The following ZNF169 variants were observed in gnomAD, a reference collection of about 807,000 sequenced individuals.
ZNF169 encodes the protein zinc finger protein 169.
In ZNF169, 11 loss-of-function variants were observed where a neutral mutation model predicts 12.0. That is an observed-to-expected ratio of 0.92 (90% CI 0.58 to 1.52). The LOEUF (loss-of-function observed/expected upper bound fraction) is 1.52, where lower values mean the gene tolerates loss of function less well. Ranked by LOEUF, ZNF169 falls within the 40% of genes most tolerant of loss-of-function variation. ZNF169 has a pLI of 0.00. For missense variants in ZNF169, 722 were observed against 744.0 expected, an observed-to-expected ratio of 0.97 and a Z score of 0.34; for synonymous variants, 302 against 286.5, an observed-to-expected ratio of 1.05 and a Z score of -0.55.
intron 2 of ZNF169, chr9:94,287,978 G>T: frequency 1.2e-6 from 1 of 805,910 alleles, no homozygotes; most frequent in Non-Finnish European, 2.2e-6. Context: ...AAATGGAGCT[G>T]CCAAACTCTG....
intron 1 of ZNF169, among the ~76,000 whole-genome samples, chr9:94,259,909 TTTA>T (rs1554712471): frequency 1.3e-5 from 2 of 152,186 alleles, no homozygotes; most frequent in African/African-American, 2.4e-5. Flanking sequence ...TATTTATTTA[TTTA>T]TTTTTGAAAC....
intron 1 of ZNF169, among the ~76,000 whole-genome samples, chr9:94,271,920 G>T (rs999620698): frequency 9.8e-6 from 1 of 102,190 alleles, no homozygotes. Flanking sequence ...AAGTATTGCC[G>T]TCTCTCCTAC....
Position 94,301,536 on chromosome 9 carries a change from G to C in ZNF169, c.*166G>C, listed in dbSNP as rs925446638. 2.3e-5 allele frequency: 30 copies of C among 1,306,488 alleles called. No individual in the cohort carries two copies. Among genetic ancestry groups the C allele is most frequent in the Admixed American group, 2.1e-4 (7 of 32,886 alleles). The allele number at this position is 1,306,488 out of a possible 1,614,324, so 80.9% of individuals were successfully genotyped here. A position where few individuals can be genotyped will look rare whatever the true frequency, so the allele number is the denominator to read the frequency against. ...CACAATTTGTCTTGGCTTGCTAGGGGTTCCATAACAAAGTACCCCAGGCTG... is the reference window on the plus strand; with the variant it reads ...CACAATTTGTCTTGGCTTGCTAGGGCTTCCATAACAAAGTACCCCAGGCTG... On this transcript the variant is annotated 3_prime_UTR_variant, in exon 5 of 5. Coordinates refer to ENST00000395395, the MANE Select transcript of ZNF169 (RefSeq NM_194320.4).
At position 94,291,047 on chromosome 9, in the gene ZNF169, C is replaced by CTTTTT. The variant is rs59027045; in HGVS notation, c.34-1273_34-1269dup. Among the ~76,000 whole-genome samples, 290 of 59,548 alleles carry CTTTTT rather than the reference C, an allele frequency of 4.9e-3. 8 individuals are homozygous for CTTTTT. The highest frequency in any genetic ancestry group is 7.5e-3 in the East Asian group (16 of 2,138). 39.1% of individuals were successfully genotyped at this position (59,548 alleles called of 152,430 possible). ...TGATTCTGGTCTATGGAACAGTATT[C>CTTTTT]TTTTTTTTTTTTTTTTTTTTTTTTT... On this transcript the variant is annotated intron_variant, in intron 2 of 4. Transcript: ENST00000395395.
chr9:94,296,167 AT>A (rs1371056598), intron 4 of ZNF169, among the ~76,000 whole-genome samples: 1 of 152,210 alleles, frequency 6.6e-6, no homozygotes, highest in Non-Finnish European at 1.5e-5. Flanking sequence ...GCTATCTTAT[AT>A]CTTCTTTAGT....
chr9:94,294,800 T>C (rs1052586108), intron 4 of ZNF169: 5 of 152,226 alleles, frequency 3.3e-5, no homozygotes, highest in African/African-American at 1.2e-4. Context: ...TTGTTATTGA[T>C]TTGTAGAAAT....
intron 2 of ZNF169, among the ~76,000 whole-genome samples, chr9:94,289,224 C>A (rs1168608421): frequency 6.6e-6 from 1 of 151,370 alleles, no homozygotes; most frequent in Non-Finnish European, 1.5e-5. Context: ...CATAGTAAGA[C>A]CCCATCTGTT....
intron 1 of ZNF169, among the ~76,000 whole-genome samples, chr9:94,277,540 T>C (rs1226267586): frequency 6.6e-6 from 1 of 152,168 alleles, no homozygotes; most frequent in Non-Finnish European, 1.5e-5. Flanking sequence ...GGAAAGTAAG[T>C]CATGATATAC....
chr9:94,265,004 A>G (rs2118543524), intron 1 of ZNF169, among the ~76,000 whole-genome samples: 2 of 91,684 alleles, frequency 2.2e-5, no homozygotes, highest in South Asian at 7.2e-4. Context: ...GCTGATGTAT[A>G]TCTCTTTCTG....
chr9:94,278,777 C>T lies in ZNF169; in HGVS notation c.-36C>T. The T allele has an allele frequency of 1.9e-6, 3 of 1,609,922 alleles. No homozygotes were observed. The highest frequency in any genetic ancestry group is 2.5e-6 in the Non-Finnish European group (3 of 1,178,156). On this transcript the variant is annotated 5_prime_UTR_variant, in exon 2 of 5. Coordinates refer to ENST00000395395, the MANE Select transcript of ZNF169 (RefSeq NM_194320.4). ...CCCCAGATTTGCCTCTGCAACTTGA[C>T]TCTCCTCTAGGAAGAGTACTCCAGA...
chr9:94,291,771 G>A (rs1251784073), intron 2 of ZNF169, among the ~76,000 whole-genome samples: 2 of 152,204 alleles, frequency 1.3e-5, no homozygotes, highest in African/African-American at 2.4e-5. Flanking sequence ...CTAACAAAAT[G>A]TGTAGGGTCT....
intron 1 of ZNF169, among the ~76,000 whole-genome samples, chr9:94,277,813 T>G (rs1830551664): frequency 6.6e-6 from 1 of 151,502 alleles, no homozygotes; most frequent in Non-Finnish European, 1.5e-5. Context: ...GCGCCTGTAG[T>G]CCCAGCTACT....
chr9:94,266,244 A>G lies in ZNF169; in HGVS notation c.-56+6899A>G, dbSNP rs371679538. ...TTAACCACTCAGTCAGTACTGAAAC[A>G]GTTCTTAGTGAGACCTGACCTGCCA... On this transcript the variant is annotated intron_variant, in intron 1 of 4. Coordinates refer to ENST00000395395, the MANE Select transcript of ZNF169 (RefSeq NM_194320.4). 1.2e-4 allele frequency among the ~76,000 whole-genome samples: 18 copies of G among 152,290 alleles called. No homozygotes were observed. The East Asian group carries it at 2.9e-3, about 24-fold the overall frequency.
intron 1 of ZNF169, among the ~76,000 whole-genome samples, chr9:94,264,468 G>T (rs1055710197): frequency 6.6e-6 from 1 of 152,148 alleles, no homozygotes; most frequent in African/African-American, 2.4e-5. Context: ...GGAGAAAAAA[G>T]AAATAGTCTT....
At chr9:94,281,680 G>A (rs116738281) in intron 2 of ZNF169, among the ~76,000 whole-genome samples, 2,674 of 152,278 alleles carry the variant, frequency 0.018, 93 homozygotes, top group African/African-American at 0.061. Flanking sequence ...GGAGGCATGA[G>A]ACGTCAATCA....
At chr9:94,261,833 A>G (rs1317061166) in intron 1 of ZNF169, among the ~76,000 whole-genome samples, 1 of 152,260 alleles carries the variant, frequency 6.6e-6, no homozygotes, top group Non-Finnish European at 1.5e-5. Flanking sequence ...TAAATGGCAA[A>G]AACCACAATT....
Position 94,273,681 on chromosome 9 carries a change from G to A in ZNF169, c.-55-5077G>A, listed in dbSNP as rs902349114. ...TGCCAACTCCGCCTCCCGGGTTCAC[G>A]CCATTCTCCTGCCTCAGCCTCCCGA... On this transcript the variant is annotated intron_variant, in intron 1 of 4. Coordinates refer to ENST00000395395, the MANE Select transcript of ZNF169 (RefSeq NM_194320.4). Among the ~76,000 whole-genome samples the A allele has an allele frequency of 4.7e-5, 7 of 147,808 alleles. No individual in the cohort carries two copies. In the East Asian group the frequency reaches 8.0e-4, roughly 17 times the overall value.
rs549632993 is a variant in ZNF169, at chr9:94,284,868, C to T, written c.33+6023C>T. ...CAGAATTCCAATGGTGTTTTTTTTT[C>T]AGAAATAGACTCATACTGATATTTA... On this transcript the variant is annotated intron_variant, in intron 2 of 4. Transcript: ENST00000395395. Among the ~76,000 whole-genome samples, 75 of 150,434 alleles carry T rather than the reference C, an allele frequency of 5.0e-4. 1 individual carries two copies. Among genetic ancestry groups the T allele is most frequent in the East Asian group, 2.0e-4 (1 of 5,124 alleles).
chr9:94,282,426 A>AG (rs1830656576), intron 2 of ZNF169, among the ~76,000 whole-genome samples: 1 of 152,250 alleles, frequency 6.6e-6, no homozygotes, highest in Non-Finnish European at 1.5e-5. Flanking sequence ...CGGTCTGGAA[A>AG]GGCGGAACAA....
Sources: gnomAD v4.1 joint callset for allele counts (sites outside exome capture counted in the v4.1 genomes callset) on GRCh38, gnomAD v4.1.1 for gene constraint, MANE v1.5 for transcripts, NCBI Gene and HGNC (gene_info 2026-07-23, HGNC 2026-07-21) for gene names.